Variants in CTIF observed in about 807,000 individuals in gnomAD.
The protein encoded by CTIF is cap binding complex dependent translation initiation factor.
Under a neutral mutation model 66.0 loss-of-function variants are expected in CTIF, and 21 were observed. The observed-to-expected ratio is 0.32, with a 90% CI of 0.23 to 0.46. The LOEUF (loss-of-function observed/expected upper bound fraction) is 0.46, where lower values mean the gene tolerates loss of function less well. Ranked by LOEUF, CTIF falls within the 20% of genes least tolerant of loss-of-function variation. The pLI is 1.00. For missense variants in CTIF, 739 were observed against 812.7 expected, an observed-to-expected ratio of 0.91 and a Z score of 1.10; for synonymous variants, 345 against 326.4, an observed-to-expected ratio of 1.06 and a Z score of -0.62.
At position 48,664,432 on chromosome 18, in the gene CTIF, T is replaced by G; in HGVS notation, c.327-15T>G. ...GCCCTCTTGCCTCCGTTTCTCACCC[T>G]CCCTCGCCCTCTAGTGGTGCCACCT... is the stretch of plus-strand genomic sequence containing the variant. On this transcript the variant is annotated splice_polypyrimidine_tract_variant and intron_variant, in intron 4 of 11. Coordinates refer to ENST00000256413, the MANE Select transcript of CTIF (RefSeq NM_014772.3). 6.2e-7 allele frequency: 1 copy of G among 1,609,128 alleles called. No homozygotes were observed. The highest frequency in any genetic ancestry group is 8.5e-7 in the Non-Finnish European group (1 of 1,176,182).
chr18:48,647,076 A>C (rs988299426), intron 3 of CTIF, among the ~76,000 whole-genome samples: 4 of 152,226 alleles, frequency 2.6e-5, no homozygotes, highest in African/African-American at 9.6e-5. Flanking sequence ...GAAGCAGCTC[A>C]GGTGATCTTC....
At chr18:48,843,915 A>G (rs905310533) in intron 10 of CTIF, among the ~76,000 whole-genome samples, 2 of 152,208 alleles carry the variant, frequency 1.3e-5, no homozygotes, top group Non-Finnish European at 2.9e-5. Context: ...CCTGTGCCTC[A>G]GTTTCTGTAG....
intron 3 of CTIF, among the ~76,000 whole-genome samples, chr18:48,652,871 C>T (rs1223988476): frequency 6.6e-6 from 1 of 152,168 alleles, no homozygotes; most frequent in African/African-American, 2.4e-5. Flanking sequence ...AAACCAACGA[C>T]AAAAACCACA....
At chr18:48,789,719 A>G (rs1009094297) in intron 9 of CTIF, among the ~76,000 whole-genome samples, 3 of 152,348 alleles carry the variant, frequency 2.0e-5, no homozygotes, top group Admixed American at 2.0e-4. Flanking sequence ...ATTCTAAAAT[A>G]TATATGGAAA....
At chr18:48,850,164 G>A (rs528324324) in intron 10 of CTIF, among the ~76,000 whole-genome samples, 4 of 152,174 alleles carry the variant, frequency 2.6e-5, no homozygotes, top group African/African-American at 9.6e-5. Context: ...ATGTCTTCGG[G>A]GCTCGTCCGT....
intron 10 of CTIF, among the ~76,000 whole-genome samples, chr18:48,829,789 A>C (rs2068653021): frequency 6.6e-6 from 1 of 152,240 alleles, no homozygotes; most frequent in Non-Finnish European, 1.5e-5. Context: ...ACCCCTGTGG[A>C]TCTTTCTCCA....
chr18:48,706,953 C>T (rs939470805), intron 6 of CTIF, among the ~76,000 whole-genome samples: 1 of 152,194 alleles, frequency 6.6e-6, no homozygotes, highest in African/African-American at 2.4e-5. Flanking sequence ...GGTCTCAGAG[C>T]TCAGGGGAGA....
At chr18:48,817,450 G>A in intron 10 of CTIF, 74 bp downstream of exon 10, 4 of 1,517,298 alleles carry the variant, frequency 2.6e-6, no homozygotes, top group Non-Finnish European at 3.5e-6. Flanking sequence ...AGATAACTGG[G>A]ACAAAGCTGT....
chr18:48,832,416 G>T (rs74450593), intron 10 of CTIF, among the ~76,000 whole-genome samples: 2 of 152,036 alleles, frequency 1.3e-5, no homozygotes, highest in Non-Finnish European at 1.5e-5. Flanking sequence ...AAGCAATCCC[G>T]CCTCAGCCTC....
intron 1 of CTIF, among the ~76,000 whole-genome samples, chr18:48,594,066 C>A (rs1438059934): frequency 4.0e-5 from 6 of 150,588 alleles, no homozygotes; most frequent in Non-Finnish European, 7.4e-5. Context: ...ACAAGCCCCC[C>A]CTCCTATCTG....
At chr18:48,801,207 G>A (rs924898805) in intron 9 of CTIF, among the ~76,000 whole-genome samples, 4 of 152,184 alleles carry the variant, frequency 2.6e-5, no homozygotes, top group African/African-American at 4.8e-5. Flanking sequence ...GACAGAGCCC[G>A]GTGCAAACAG....
rs534626815 is a variant in CTIF, at chr18:48,574,036, T to G, written c.-29+34724T>G. Among the ~76,000 whole-genome samples the G allele has an allele frequency of 4.6e-5, 7 of 152,344 alleles. No individual in the cohort carries two copies. The South Asian group carries it at 1.4e-3, about 32-fold the overall frequency. On this transcript the variant is annotated intron_variant, in intron 1 of 11. Coordinates refer to ENST00000256413, the MANE Select transcript of CTIF (RefSeq NM_014772.3). ...TGGTGTCACCGGGCACCCTCAGGTC[T>G]GATTTGCAGTCATCTCACCAGGTCT...
intron 1 of CTIF, among the ~76,000 whole-genome samples, chr18:48,574,182 C>T (rs755386063): frequency 1.9e-4 from 29 of 152,334 alleles, no homozygotes; most frequent in East Asian, 1.4e-3. Context: ...CTGTTCCTGC[C>T]GCTCTTCAGT....
chr18:48,714,074 G>A (rs2092255849), intron 7 of CTIF, among the ~76,000 whole-genome samples: 1 of 152,162 alleles, frequency 6.6e-6, no homozygotes, highest in African/African-American at 2.4e-5. Flanking sequence ...GGGGTCTCCT[G>A]AGTCTGTTTT....
At chr18:48,731,993 C>T (rs534116096) in intron 7 of CTIF, among the ~76,000 whole-genome samples, 84 of 152,368 alleles carry the variant, frequency 5.5e-4, no homozygotes, top group African/African-American at 1.9e-3. Context: ...AACCAGATAG[C>T]GGCTCCATTC....
intron 7 of CTIF, among the ~76,000 whole-genome samples, chr18:48,741,894 C>T (rs1054207722): frequency 4.6e-5 from 7 of 152,158 alleles, no homozygotes; most frequent in Admixed American, 1.3e-4. Flanking sequence ...AGAGAGCCAG[C>T]GAGTGCCACT....
chr18:48,709,511 TA>T (rs1415501997), intron 6 of CTIF, among the ~76,000 whole-genome samples: 2 of 152,224 alleles, frequency 1.3e-5, no homozygotes, highest in Non-Finnish European at 2.9e-5. Flanking sequence ...CGTGTTACAC[TA>T]GGGGCTATGG....
intron 1 of CTIF, among the ~76,000 whole-genome samples, chr18:48,582,158 C>T (rs2089671728): frequency 2.0e-5 from 3 of 151,998 alleles, no homozygotes; most frequent in Admixed American, 6.6e-5. Context: ...CACCCTCTGG[C>T]CAGCAAGGAA....
chr18:48,697,432 G>C (rs995261493), intron 6 of CTIF, among the ~76,000 whole-genome samples: 1 of 152,210 alleles, frequency 6.6e-6, no homozygotes, highest in Non-Finnish European at 1.5e-5. Context: ...AGCTTTGCAT[G>C]GCAGGGGCAT....
Sources: allele counts gnomAD v4.1 joint callset (sites outside exome capture counted in the v4.1 genomes callset), GRCh38; gene constraint gnomAD v4.1.1; transcripts MANE v1.5; gene names NCBI Gene and HGNC (gene_info 2026-07-23, HGNC 2026-07-21).